DAAM1: variants seen among roughly 807,000 people sequenced by gnomAD.
DAAM1 encodes the protein disheveled-associated activator of morphogenesis 1.
In DAAM1, 52 loss-of-function variants were observed where a neutral mutation model predicts 130.0. The observed-to-expected ratio is 0.40, with a 90% CI of 0.32 to 0.50. The LOEUF is 0.50. Ranked by LOEUF, DAAM1 falls within the 20% of genes least tolerant of loss-of-function variation. The pLI is 0.61. For missense variants in DAAM1, 1,134 were observed against 1,303.8 expected (o/e 0.87, Z 2.01); for synonymous variants, 452 against 444.5 (o/e 1.02, Z -0.21).
intron 2 of DAAM1, among the ~76,000 whole-genome samples, chr14:59,289,784 A>ATATATATATATACAT: frequency 7.8e-6 from 1 of 128,706 alleles, no homozygotes; most frequent in African/African-American, 2.9e-5. Context: ...ATATATATAT[A>ATATATATATATACAT]ATGGAATGCT....
In DAAM1 at chr14:59,334,097, G is replaced by A. The variant is rs568805859; in HGVS notation, c.1968+2177G>A. 2.6e-5 allele frequency among the ~76,000 whole-genome samples: 4 copies of A among 152,286 alleles called. No individual in the cohort carries two copies. In the South Asian group the frequency reaches 8.3e-4, roughly 32 times the overall value. ...ATTTCAGCATACCTGATCAGCTTGA[G>A]TAATTCAAGTAGGTTTTCTCTTTTG... On this transcript the variant is annotated intron_variant, in intron 15 of 24. Coordinates refer to ENST00000360909, the MANE Select transcript of DAAM1 (RefSeq NM_001270520.2).
At position 59,368,737 on chromosome 14, in the gene DAAM1, G is replaced by A; in HGVS notation, c.3085G>A (p.Ala1029Thr). The A allele has an allele frequency of 6.2e-7, 1 of 1,613,994 alleles. No homozygotes were observed. Among genetic ancestry groups the A allele is most frequent in the Admixed American group, 1.7e-5 (1 of 60,006 alleles). Reference protein sequence around the residue: ...ESGEFDDLVSALRSGEVFDKD... With the variant: ...ESGEFDDLVSTLRSGEVFDKD... ...CGGAGAGTTTGATGACCTTGTTTCAGCTTTACGCTCAGGAGAAGTGTTTGA... is the reference window on the plus strand; with the variant it reads ...CGGAGAGTTTGATGACCTTGTTTCAACTTTACGCTCAGGAGAAGTGTTTGA... Residue 1029 changes from alanine (A) to threonine (T), a missense_variant, in exon 25 of 25, where the codon GCT becomes ACT. Coordinates refer to ENST00000360909, the MANE Select transcript of DAAM1 (RefSeq NM_001270520.2).
chr14:59,272,249 A>G (rs893725725), intron 2 of DAAM1, among the ~76,000 whole-genome samples: 8 of 152,194 alleles, frequency 5.3e-5, no homozygotes, highest in South Asian at 4.1e-4. Flanking sequence ...GCTAAAGGAA[A>G]CAATCAGTTG....
chr14:59,365,903 C>G (rs1215239186), intron 23 of DAAM1, among the ~76,000 whole-genome samples: 1 of 131,824 alleles, frequency 7.6e-6, no homozygotes, highest in Non-Finnish European at 1.8e-5. Flanking sequence ...ATAATTTTAA[C>G]AAACAATTTG....
intron 1 of DAAM1, among the ~76,000 whole-genome samples, chr14:59,245,057 G>T (rs537699877): frequency 6.6e-6 from 1 of 152,236 alleles, no homozygotes; most frequent in African/African-American, 2.4e-5. Context: ...AAAAGGACGG[G>T]GGGGCCAGGG....
intron 1 of DAAM1, among the ~76,000 whole-genome samples, chr14:59,196,391 G>C (rs1260552971): frequency 2.0e-5 from 3 of 152,190 alleles, no homozygotes; most frequent in Non-Finnish European, 4.4e-5. Flanking sequence ...CCGCAGTTCT[G>C]TAACAAGAGG....
chr14:59,227,611 A>G (rs1285249592), intron 1 of DAAM1, among the ~76,000 whole-genome samples: 1 of 152,196 alleles, frequency 6.6e-6, no homozygotes, highest in African/African-American at 2.4e-5. Context: ...ATGTCTCATT[A>G]TCTCGATTAT....
At chr14:59,208,701 A>T (rs188179463) in intron 1 of DAAM1, among the ~76,000 whole-genome samples, 71 of 152,162 alleles carry the variant, frequency 4.7e-4, no homozygotes, top group Non-Finnish European at 7.2e-4. Flanking sequence ...GTCCCCTCCA[A>T]ATCTCATGTC....
Position 59,226,057 on chromosome 14 carries a change from A to AT in DAAM1, c.-38+37300dup, listed in dbSNP as rs1052748980. On this transcript the variant is annotated intron_variant, in intron 1 of 24. Transcript: ENST00000360909. ...AATGTGTTTCAGTTGCCTGATGATAATTTTTTTTTTTATATTTGAGTAGTC... is the reference window on the plus strand; with the variant it reads ...AATGTGTTTCAGTTGCCTGATGATAATTTTTTTTTTTTATATTTGAGTAGTC... 2.3e-3 allele frequency among the ~76,000 whole-genome samples: 342 copies of AT among 148,762 alleles called. 1 individual carries two copies. Among genetic ancestry groups the AT allele is most frequent in the Non-Finnish European group, 3.6e-3 (242 of 66,896 alleles).
In DAAM1 at chr14:59,287,107, C is replaced by G. The variant is rs370765638; in HGVS notation, c.184-4110C>G. Among the ~76,000 whole-genome samples, 23 of 152,296 alleles carry G rather than the reference C, an allele frequency of 1.5e-4. 1 individual carries two copies. The highest frequency in any genetic ancestry group is 8.5e-4 in the Admixed American group (13 of 15,292). The stretch of plus-strand genomic sequence containing the variant: ...TCACCACAATCAAGTAGGCTTTATT[C>G]CTGATATGCAAAGTTGGTTTAACAT... On this transcript the variant is annotated intron_variant, in intron 2 of 24. Transcript: ENST00000360909.
At chr14:59,264,507 T>A (rs1025317321) in intron 2 of DAAM1, 2 of 152,266 alleles carry the variant, frequency 1.3e-5, no homozygotes, top group Admixed American at 6.5e-5. Flanking sequence ...AGGTTTGATA[T>A]AATGTTTCAG....
At chr14:59,347,463 TG>T in intron 16 of DAAM1, 75 bp from the exon 17 acceptor site, 2 of 1,353,538 alleles carry the variant, frequency 1.5e-6, no homozygotes, top group Non-Finnish European at 2.1e-6. Flanking sequence ...AATCAGCAGC[TG>T]GGGTAGCAAA....
intron 12 of DAAM1, among the ~76,000 whole-genome samples, chr14:59,329,946 T>C (rs1885355857): frequency 1.3e-5 from 2 of 152,222 alleles, no homozygotes; most frequent in African/African-American, 4.8e-5. Flanking sequence ...AGTAGCCTTC[T>C]GAGGGGAGAT....
At chr14:59,193,498 C>T (rs968322733) in intron 1 of DAAM1, among the ~76,000 whole-genome samples, 3 of 152,004 alleles carry the variant, frequency 2.0e-5, no homozygotes, top group Non-Finnish European at 4.4e-5. Flanking sequence ...GTTCTAGGAG[C>T]AGGGGGAGAA....
intron 17 of DAAM1, among the ~76,000 whole-genome samples, chr14:59,350,507 C>T (rs2025903): frequency 0.12 from 18,408 of 151,824 alleles, 1,401 homozygotes; most frequent in African/African-American, 0.22. Flanking sequence ...CCTCTCAAGA[C>T]TCCACATCCC....
At chr14:59,320,988 T>G (rs937077081) in intron 5 of DAAM1, among the ~76,000 whole-genome samples, 18 of 152,086 alleles carry the variant, frequency 1.2e-4, no homozygotes, top group Non-Finnish European at 5.9e-5. Flanking sequence ...TGAAGACATG[T>G]CTCCCAAAAA....
chr14:59,233,912 G>T (rs922929150), intron 1 of DAAM1, among the ~76,000 whole-genome samples: 1 of 152,132 alleles, frequency 6.6e-6, no homozygotes, highest in Admixed American at 6.5e-5. Context: ...GCTTGTTTTT[G>T]TCCAGTTTGT....
chr14:59,213,295 A>G (rs1217244880), intron 1 of DAAM1, among the ~76,000 whole-genome samples: 1 of 135,214 alleles, frequency 7.4e-6, no homozygotes, highest in Non-Finnish European at 1.5e-5. Flanking sequence ...AAGCTCTTAT[A>G]TATATTGAGA....
chr14:59,212,464 G>T (rs2139413075), intron 1 of DAAM1, among the ~76,000 whole-genome samples: 1 of 152,332 alleles, frequency 6.6e-6, no homozygotes, highest in South Asian at 2.1e-4. Flanking sequence ...AGTCAAGTTA[G>T]AACACAGGTC....
Sources: allele counts gnomAD v4.1 joint callset (sites outside exome capture counted in the v4.1 genomes callset), GRCh38; gene constraint gnomAD v4.1.1; transcripts MANE v1.5; gene names NCBI Gene and HGNC (gene_info 2026-07-23, HGNC 2026-07-21).